CALN1: variants seen among roughly 807,000 people sequenced by gnomAD.
CALN1 encodes calcium-binding protein 8.
A neutral mutation model predicts 30.6 loss-of-function variants in CALN1; 17 were observed. The ratio of observed to expected loss-of-function variants is 0.56; its 90% CI spans 0.38 to 0.83. The LOEUF (loss-of-function observed/expected upper bound fraction) is 0.83, where lower values mean the gene tolerates loss of function less well. Ranked by LOEUF, CALN1 falls within the 40% of genes least tolerant of loss-of-function variation. The pLI is 0.00. For missense variants in CALN1, 291 were observed against 354.9 expected (o/e 0.82, Z 1.45); for synonymous variants, 156 against 131.4 (o/e 1.19, Z -1.28).
chr7:71,791,215 T>A (rs1375156914), intron 6 of CALN1, among the ~76,000 whole-genome samples: 1 of 152,246 alleles, frequency 6.6e-6, no homozygotes, highest in Admixed American at 6.5e-5. Context: ...GGTGTTTATG[T>A]ACCACATTTC....
At chr7:72,150,127 C>CAAAAAAAAAAAAAAAAAAAAAAAAAAAA (rs61261132) in intron 3 of CALN1, among the ~76,000 whole-genome samples, 1 of 137,188 alleles carries the variant, frequency 7.3e-6, no homozygotes, top group African/African-American at 2.7e-5. Flanking sequence ...AACTCCATCT[C>CAAAAAAAAAAAAAAAAAAAAAAAAAAAA]AAAAAAAAAA....
At chr7:72,371,047 C>CA (rs35918896) in intron 2 of CALN1, among the ~76,000 whole-genome samples, 40,402 of 91,426 alleles carry the variant, frequency 0.44, 7,898 homozygotes, top group Middle Eastern at 0.58. Flanking sequence ...AATTAAGTCT[C>CA]AAAAAAAAAA....
intron 5 of CALN1, among the ~76,000 whole-genome samples, chr7:71,840,328 T>C (rs918232169): frequency 4.6e-5 from 7 of 151,342 alleles, no homozygotes; most frequent in African/African-American, 1.7e-4. Flanking sequence ...CCACAAAAAA[T>C]TTAAAAATTA....
intron 2 of CALN1, among the ~76,000 whole-genome samples, chr7:72,372,914 TG>T (rs1355030066): frequency 6.6e-6 from 1 of 152,026 alleles, no homozygotes; most frequent in Non-Finnish European, 1.5e-5. Flanking sequence ...AACCAACACA[TG>T]GGATGCCAAA....
intron 4 of CALN1, among the ~76,000 whole-genome samples, chr7:72,051,035 A>AT (rs1802803579): frequency 1.4e-5 from 2 of 138,334 alleles, no homozygotes; most frequent in African/African-American, 5.1e-5. Flanking sequence ...TAAATAAATA[A>AT]ATAAATATTT....
chr7:72,402,615 A>G (rs920255083), intron 2 of CALN1, among the ~76,000 whole-genome samples: 2 of 152,186 alleles, frequency 1.3e-5, no homozygotes, highest in Non-Finnish European at 2.9e-5. Flanking sequence ...TATAGCCATG[A>G]GGGTCTCCGA....
chr7:72,399,913 G>T (rs1562948862), intron 2 of CALN1, among the ~76,000 whole-genome samples: 1 of 152,076 alleles, frequency 6.6e-6, no homozygotes, highest in African/African-American at 2.4e-5. Context: ...TCATGCAAGA[G>T]CTAGTTGTTA....
At chr7:71,987,415 C>T (rs1798732382) in intron 5 of CALN1, among the ~76,000 whole-genome samples, 1 of 152,184 alleles carries the variant, frequency 6.6e-6, no homozygotes, top group South Asian at 2.1e-4. Context: ...GTCTGCTTCC[C>T]CAGCAAGCCC....
chr7:72,423,193 G>A (rs796650626), intron 1 of CALN1, among the ~76,000 whole-genome samples: 13 of 151,354 alleles, frequency 8.6e-5, no homozygotes, highest in African/African-American at 3.1e-4. Context: ...ATTTTTACTG[G>A]ATGGAATTAT....
rs1809498853 is a variant in CALN1 at position 72,136,168 on chromosome 7, T to TAAATAAATAAAC, written c.245-29875_245-29874insGTTTATTTATTT. Among the ~76,000 whole-genome samples the TAAATAAATAAAC allele has an allele frequency of 1.3e-5, 2 of 151,702 alleles. 1 individual carries two copies. The highest frequency in any genetic ancestry group is 4.8e-5 in the African/African-American group (2 of 41,310). On this transcript the variant is annotated intron_variant, in intron 3 of 6. Transcript: ENST00000395275. Reference sequence around the variant, plus strand: ...ATAAATAAATAAATAAATAAATAAATAAAGGGCTGGTTTTTTCTGCATTGA... The same window carrying TAAATAAATAAAC: ...ATAAATAAATAAATAAATAAATAAATAAATAAATAAACAAAGGGCTGGTTTTTTCTGCATTGA...
intron 5 of CALN1, among the ~76,000 whole-genome samples, chr7:71,824,953 TA>T (rs911893082): frequency 6.6e-6 from 1 of 152,188 alleles, no homozygotes; most frequent in Non-Finnish European, 1.5e-5. Flanking sequence ...GTACACAGTA[TA>T]AAAATACAGT....
chr7:72,193,980 A>C (rs1311645927), intron 3 of CALN1, among the ~76,000 whole-genome samples: 1 of 152,170 alleles, frequency 6.6e-6, no homozygotes, highest in African/African-American at 2.4e-5. Flanking sequence ...GGGGTGAGAG[A>C]TAAGACTACA....
At chr7:72,018,173 G>C (rs1436937305) in intron 5 of CALN1, among the ~76,000 whole-genome samples, 1 of 152,048 alleles carries the variant, frequency 6.6e-6, no homozygotes, top group African/African-American at 2.4e-5. Flanking sequence ...TGCCACTTGG[G>C]GACATCTACT....
rs148581192 is a variant in CALN1, at chr7:72,238,303, AT to A, written c.244+40382del. On this transcript the variant is annotated intron_variant, in intron 3 of 6. Transcript: ENST00000395275. ...GAGTCTTCTCCATCCAGAGAAACAA[AT>A]GTCTATGAGAATGAGTTGCAAAGAG... is the stretch of plus-strand genomic sequence containing the variant. Among the ~76,000 whole-genome samples the A allele has an allele frequency of 4.1e-3, 625 of 152,328 alleles. 1 individual carries two copies. Among genetic ancestry groups the A allele is most frequent in the Middle Eastern group, 6.8e-3 (2 of 294 alleles).
intron 3 of CALN1, among the ~76,000 whole-genome samples, chr7:72,203,143 A>T (rs896197379): frequency 1.3e-5 from 2 of 152,162 alleles, no homozygotes; most frequent in Admixed American, 1.3e-4. Flanking sequence ...CAATGAGAAC[A>T]CATGGACACA....
intron 1 of CALN1, among the ~76,000 whole-genome samples, chr7:72,423,609 C>G (rs547569378): frequency 6.6e-6 from 1 of 152,264 alleles, no homozygotes; most frequent in East Asian, 1.9e-4. Flanking sequence ...ATCTGATGCC[C>G]CACACCACCT....
chr7:72,484,769 C>T, the CALN1 span, among the ~76,000 whole-genome samples: 2 of 152,348 alleles, frequency 1.3e-5, no homozygotes, highest in African/African-American at 4.8e-5. Context: ...CCTGAGTACT[C>T]TCAGAGAAGA....
At chr7:72,271,064 A>C (rs929948304) in intron 3 of CALN1, among the ~76,000 whole-genome samples, 10 of 152,246 alleles carry the variant, frequency 6.6e-5, no homozygotes, top group African/African-American at 2.4e-4. Context: ...GATGATTCCC[A>C]GATGACTGCT....
chr7:71,798,061 C>CAG (rs147120862), intron 6 of CALN1, among the ~76,000 whole-genome samples: 30 of 116,932 alleles, frequency 2.6e-4, no homozygotes, highest in South Asian at 5.6e-4. Context: ...GAGAGAGAGA[C>CAG]AGAGAGAGAG....
Sources: allele counts gnomAD v4.1 joint callset (sites outside exome capture counted in the v4.1 genomes callset), GRCh38; gene constraint gnomAD v4.1.1; transcripts MANE v1.5; gene names NCBI Gene and HGNC (gene_info 2026-07-23, HGNC 2026-07-21).